Variants in TRPM5 observed in about 807,000 individuals in gnomAD.
The protein encoded by TRPM5 is transient receptor potential cation channel subfamily M member 5, also known as MLSN1 and TRP-related.
Under a neutral mutation model 124.9 loss-of-function variants are expected in TRPM5, and 121 were observed. The observed-to-expected ratio is 0.97, with a 90% CI of 0.84 to 1.13. The LOEUF is 1.13. TRPM5 is among the 50% of genes most tolerant of loss of function. The pLI is 0.00. For missense variants in TRPM5, 1,643 were observed against 1,589.1 expected (o/e 1.03, Z -0.58); for synonymous variants, 781 against 700.5 (o/e 1.11, Z -1.81).
At chr11:2,405,195 G>A (rs890827039) in intron 23 of TRPM5, 152 bp from the exon 29 acceptor site, 1 of 668,344 alleles carries the variant, frequency 1.5e-6, no homozygotes, top group African/African-American at 1.8e-5. Flanking sequence ...GGAGCCCAGA[G>A]ACAACCAGGC....
At chr11:2,437,548 G>A in the TRPM5 span, among the ~76,000 whole-genome samples, 20 of 152,312 alleles carry the variant, frequency 1.3e-4, no homozygotes, top group East Asian at 7.7e-4. This position sits in a 1 kb window ranked among gnomAD's most constrained non-coding sequence, Gnocchi z 5.6. Flanking sequence ...CTGCAATCAG[G>A]AAGGACCATG....
chr11:2,426,452 G>T (rs1260929356), upstream of TRPM5, among the ~76,000 whole-genome samples: 1 of 152,122 alleles, frequency 6.6e-6, no homozygotes, highest in Non-Finnish European at 1.5e-5. Flanking sequence ...ATCCCAGGGT[G>T]GGGCAGGGAG....
chr11:2,433,867 T>A, the TRPM5 span, among the ~76,000 whole-genome samples: 1 of 152,096 alleles, frequency 6.6e-6, no homozygotes, highest in Non-Finnish European at 1.5e-5. Context: ...ACAGCAGGTG[T>A]GCCTGTGGGT....
the TRPM5 span, among the ~76,000 whole-genome samples, chr11:2,430,662 TTGA>T: frequency 1.1e-4 from 16 of 144,306 alleles, no homozygotes; most frequent in Middle Eastern, 3.8e-3. Context: ...GGTGACAGTG[TTGA>T]TGGTGGTGGT....
Position 2,415,312 on chromosome 11 carries a change from C to T in TRPM5, c.1288G>A (p.Asp430Asn), listed in dbSNP as rs148024411. 2.3e-5 allele frequency: 37 copies of T among 1,583,040 alleles called. No individual in the cohort carries two copies. The African/African-American group carries it at 3.5e-4, about 15-fold the overall frequency. ...TCCTCCTGCTTCCGCTGCAGCAGGT[C>T]GAAGAGCAGGCTCTTGCGTGACACG... Residue 430 changes from aspartate (D) to asparagine (N), a missense_variant, in exon 9 of 24, where the codon GAC becomes AAC. Transcript: ENST00000155858.
the TRPM5 span, among the ~76,000 whole-genome samples, chr11:2,440,998 G>A: frequency 6.6e-6 from 1 of 152,228 alleles, no homozygotes; most frequent in Admixed American, 6.5e-5. The surrounding 1 kb of genome is among the most constrained non-coding windows in gnomAD (Gnocchi z 5.2). Context: ...GGTGAGCCTG[G>A]TGAGCTGAGG....
At chr11:2,424,890 C>T (rs1261281950), upstream of TRPM5, among the ~76,000 whole-genome samples, 3 of 152,260 alleles carry the variant, frequency 2.0e-5, no homozygotes, top group African/African-American at 7.2e-5. Flanking sequence ...AGGACCCACC[C>T]ACGGGCCTCA....
the TRPM5 span, among the ~76,000 whole-genome samples, chr11:2,439,101 G>T: frequency 1.3e-5 from 2 of 152,318 alleles, no homozygotes; most frequent in African/African-American, 4.8e-5. Flanking sequence ...TCAATAAATG[G>T]TGCTGAGACA....
At chr11:2,428,604 T>G in the TRPM5 span, among the ~76,000 whole-genome samples, 96,114 of 150,298 alleles carry the variant, frequency 0.64, 32,180 homozygotes, top group African/African-American at 0.86. The surrounding 1 kb of genome is among the most constrained non-coding windows in gnomAD (Gnocchi z 4.0). Context: ...TGAGGGTAGT[T>G]GGGGTGGTGA....
At chr11:2,413,848 G>T (rs1313108987) in intron 12 of TRPM5, among the ~76,000 whole-genome samples, 1 of 152,212 alleles carries the variant, frequency 6.6e-6, no homozygotes, top group Non-Finnish European at 1.5e-5. Context: ...AGGAGGAAGT[G>T]CCACTTCCAC....
chr11:2,417,706 G>GGCCCCCCCGCCCCC, intron 7 of TRPM5, 21 bp downstream of exon 12: 1 of 1,087,304 alleles, frequency 9.2e-7, no homozygotes, highest in South Asian at 1.3e-5. Flanking sequence ...CGCCTGCCTT[G>GGCCCCCCCGCCCCC]CCCACCCTGC....
At chr11:2,414,365 C>T (rs1294467548) in intron 11 of TRPM5, among the ~76,000 whole-genome samples, 159 bp from the exon 17 acceptor site, 3 of 152,184 alleles carry the variant, frequency 2.0e-5, no homozygotes, top group African/African-American at 4.8e-5. Flanking sequence ...CGGCCTGCTC[C>T]GGGCCCTTCC....
rs570652296 is a variant in TRPM5, at chr11:2,410,022, G to A, written c.2782+1330C>T. Reference sequence around the variant, plus strand: ...CCCCAACCCTGCCCTGGCTGGAGGCGCCCGTCTAGAGCTCCTCCTGCCCCG... The same window carrying A: ...CCCCAACCCTGCCCTGGCTGGAGGCACCCGTCTAGAGCTCCTCCTGCCCCG... On this transcript the variant is annotated intron_variant, in intron 18 of 23. Transcript: ENST00000155858. 5.7e-4 allele frequency among the ~76,000 whole-genome samples: 87 copies of A among 152,338 alleles called. 1 individual carries two copies. The highest frequency in any genetic ancestry group is 1.8e-3 in the African/African-American group (73 of 41,578).
chr11:2,439,800 A>G, the TRPM5 span, among the ~76,000 whole-genome samples: 7 of 152,362 alleles, frequency 4.6e-5, no homozygotes, highest in South Asian at 1.5e-3. Flanking sequence ...CAGAAGTTCC[A>G]TTTGACCCAG....
At chr11:2,419,156 C>T (rs556225324) in intron 4 of TRPM5, among the ~76,000 whole-genome samples, 2 of 152,308 alleles carry the variant, frequency 1.3e-5, no homozygotes, top group South Asian at 2.1e-4. Context: ...GGCTCGCAGG[C>T]GGGCCCCTGA....
chr11:2,436,436 G>A, the TRPM5 span, among the ~76,000 whole-genome samples: 38,021 of 152,236 alleles, frequency 0.25, 7,230 homozygotes, highest in African/African-American at 0.52. Flanking sequence ...CCTTCTCTGA[G>A]TGGCTAGGAC....
intron 15 of TRPM5, 85 bp from the exon 21 acceptor site, chr11:2,412,338 A>AGGATCAGGGTTCAGCGTGCCTTGG: frequency 9.8e-7 from 1 of 1,018,566 alleles, no homozygotes; most frequent in East Asian, 2.4e-5. Context: ...TGGATCTGTA[A>AGGATCAGGGTTCAGCGTGCCTTGG]GGATCAGGGT....
exon 15 of TRPM5, chr11:2,412,894 C>G: frequency 6.3e-7 from 1 of 1,597,432 alleles, no homozygotes; most frequent in Non-Finnish European, 8.5e-7. Flanking sequence ...TACATGACCA[C>G]GTTCCCCAGG....
the TRPM5 span, among the ~76,000 whole-genome samples, chr11:2,435,854 A>G: frequency 6.6e-6 from 1 of 152,074 alleles, no homozygotes; most frequent in African/African-American, 2.4e-5. The surrounding 1 kb of genome is among the most constrained non-coding windows in gnomAD (Gnocchi z 4.1). Context: ...CTCACCACTT[A>G]CTAACTTCTC....
Sources: allele counts gnomAD v4.1 joint callset (sites outside exome capture counted in the v4.1 genomes callset), GRCh38; gene constraint gnomAD v4.1.1; non-coding constraint Gnocchi (gnomAD v3.1); transcripts MANE v1.5; gene names NCBI Gene and HGNC (gene_info 2026-07-23, HGNC 2026-07-21).